CLIP1: variants seen among roughly 807,000 people sequenced by gnomAD.
The protein encoded by CLIP1 is CAP-Gly domain-containing linker protein 1.
CLIP1 carries 66 observed loss-of-function variants against 161.6 expected under a neutral mutation model. The observed-to-expected ratio is 0.41, with a 90% CI of 0.33 to 0.50. CLIP1 has a LOEUF of 0.50. Among genes scored for constraint, CLIP1 ranks in the 20% least tolerant of loss-of-function variants. The pLI is 0.27. For missense variants in CLIP1, 1,376 were observed against 1,702.0 expected (o/e 0.81, Z 3.37); for synonymous variants, 598 against 626.2 (o/e 0.96, Z 0.67).
In CLIP1 at chr12:122,316,740, G is replaced by A. The variant is rs1370363530; in HGVS notation, c.3473+9C>T. ...TTCCATATTTTTTTCTCAAAGGATA[G>A]AAACTTACATTTCTTTCCTAAATTC... On this transcript the variant is annotated intron_variant, in intron 19 of 25. Transcript: ENST00000620786. 2 of 1,460,054 alleles carry A rather than the reference G, an allele frequency of 1.4e-6. No homozygotes were observed. Among genetic ancestry groups the A allele is most frequent in the Non-Finnish European group, 1.9e-6 (2 of 1,071,182 alleles). The allele number at this position is 1,460,054 out of a possible 1,614,324, so 90.4% of individuals were successfully genotyped here.
At chr12:122,312,430 G>C (rs1278111898) in intron 19 of CLIP1, among the ~76,000 whole-genome samples, 1 of 152,150 alleles carries the variant, frequency 6.6e-6, no homozygotes, top group Non-Finnish European at 1.5e-5. Flanking sequence ...CTGGTTTCCA[G>C]GGGCAAGGGC....
chr12:122,316,630 A>G (rs899470450), intron 19 of CLIP1, 119 bp downstream of exon 19: 10 of 625,812 alleles, frequency 1.6e-5, no homozygotes, highest in Admixed American at 1.0e-4. Context: ...GGTATGCAAT[A>G]GAGTCTGCAT....
intron 1 of CLIP1, among the ~76,000 whole-genome samples, chr12:122,416,007 A>C (rs1956743095): frequency 1.3e-5 from 2 of 152,056 alleles, no homozygotes; most frequent in Middle Eastern, 3.4e-3. Context: ...TGGGAGGCTG[A>C]GGTGGGTGCA....
chr12:122,411,235 G>C (rs979450306), intron 1 of CLIP1, among the ~76,000 whole-genome samples: 1 of 152,048 alleles, frequency 6.6e-6, no homozygotes, highest in African/African-American at 2.4e-5. Flanking sequence ...AGGCAACATG[G>C]CGAAACCCTG....
At chr12:122,401,801 C>T (rs1301627515) in intron 1 of CLIP1, among the ~76,000 whole-genome samples, 1 of 152,012 alleles carries the variant, frequency 6.6e-6, no homozygotes, top group Admixed American at 6.6e-5. Flanking sequence ...GAGTTCAAGA[C>T]CAGCCTGACA....
At position 122,341,462 on chromosome 12, in the gene CLIP1, T is replaced by C; in HGVS notation, c.1742A>G (p.Glu581Gly). Reference protein sequence around the residue: ...TSLKEHFGAREETHQKEIKAL... With the variant: ...TSLKEHFGARGETHQKEIKAL... ...CTTTATCTCCTTCTGATGAGTTTCT[T>C]CCCGGGCTCCAAAATGCTCCTTCAG... The change falls in exon 11 of 26, where the codon GAA becomes GGA. Residue 581 changes from glutamate to glycine, a missense_variant. Physicochemically the swap from Glu to Gly is moderately conservative, Grantham distance 98. Around this residue, in one of 6 missense-constraint regions of CLIP1, gnomAD observed 948 missense variants for 1,134.8 expected, o/e 0.84. Transcript: ENST00000620786. 1 of 1,613,486 alleles carries C rather than the reference T, an allele frequency of 6.2e-7. No homozygotes were observed. Among genetic ancestry groups the C allele is most frequent in the Non-Finnish European group, 8.5e-7 (1 of 1,179,568 alleles).
Position 122,279,159 on chromosome 12 carries a change from G to C in CLIP1, c.3648-14C>G. ...AACTTGGATTCTCTAAAAGACCAAA[G>C]AGTTAAAAGTTCCACAAATCAACCG... On this transcript the variant is annotated splice_polypyrimidine_tract_variant and intron_variant, in intron 21 of 25. Transcript: ENST00000620786. The surrounding 1 kb of genome is among the most constrained non-coding windows in gnomAD (Gnocchi z 4.5). 1.3e-6 allele frequency: 2 copies of C among 1,572,372 alleles called. No homozygotes were observed. Among genetic ancestry groups the C allele is most frequent in the Non-Finnish European group, 1.7e-6 (2 of 1,148,720 alleles).
chr12:122,416,445 T>G (rs139423831), intron 1 of CLIP1, among the ~76,000 whole-genome samples: 18 of 152,222 alleles, frequency 1.2e-4, no homozygotes, highest in African/African-American at 3.9e-4. Context: ...CCCCATATCT[T>G]TATCTTCATC....
chr12:122,320,118 CA>C (rs1226869627), intron 17 of CLIP1, among the ~76,000 whole-genome samples: 2 of 151,806 alleles, frequency 1.3e-5, no homozygotes, highest in Admixed American at 1.3e-4. Context: ...AATAAAAATA[CA>C]AAAAACTAGC....
At chr12:122,340,076 CTT>C (rs1169551600) in intron 11 of CLIP1, among the ~76,000 whole-genome samples, 3 of 139,674 alleles carry the variant, frequency 2.1e-5, no homozygotes, top group Non-Finnish European at 3.1e-5. Flanking sequence ...ATCTTTTAAG[CTT>C]TTTTTTTTTT....
chr12:122,411,022 T>C (rs1489998513), intron 1 of CLIP1, among the ~76,000 whole-genome samples: 2 of 152,150 alleles, frequency 1.3e-5, no homozygotes, highest in Non-Finnish European at 2.9e-5. Flanking sequence ...AAAACAGTAT[T>C]GTACTGCCTC....
At chr12:122,405,435 T>A (rs1956293274) in intron 1 of CLIP1, among the ~76,000 whole-genome samples, 1 of 152,220 alleles carries the variant, frequency 6.6e-6, no homozygotes. Flanking sequence ...ATACACGATA[T>A]ATTATATATA....
Position 122,377,371 on chromosome 12 carries a change from G to A in CLIP1, c.657+18C>T. On this transcript the variant is annotated intron_variant, in intron 3 of 25. Coordinates refer to ENST00000620786, the MANE Select transcript of CLIP1 (RefSeq NM_001247997.2). Reference sequence around the variant, plus strand: ...ATCTCAGTTCAATGAAATGACCTCAGAATGTTTCTCTACTCACCAATACTC... The same window carrying A: ...ATCTCAGTTCAATGAAATGACCTCAAAATGTTTCTCTACTCACCAATACTC... The A allele has an allele frequency of 6.3e-7, 1 of 1,595,490 alleles. No individual in the cohort carries two copies. The highest frequency in any genetic ancestry group is 8.6e-7 in the Non-Finnish European group (1 of 1,168,096).
At chr12:122,384,975 C>T (rs1290640947) in intron 1 of CLIP1, among the ~76,000 whole-genome samples, 1 of 150,034 alleles carries the variant, frequency 6.7e-6, no homozygotes, top group Non-Finnish European at 1.5e-5. Flanking sequence ...GCTCTGTCGC[C>T]AGTCTGGAGT....
At position 122,387,590 on chromosome 12, in the gene CLIP1, A is replaced by ATTTTTTT. The variant is rs139790813; in HGVS notation, c.-106-7039_-106-7033dup. Among the ~76,000 whole-genome samples, 36 of 6,260 alleles carry ATTTTTTT rather than the reference A, an allele frequency of 5.8e-3. 1 individual carries two copies. The highest frequency in any genetic ancestry group is 0.017 in the East Asian group (3 of 178). 4.1% of individuals were successfully genotyped at this position (6,260 alleles called of 152,430 possible). On this transcript the variant is annotated intron_variant, in intron 1 of 25. Coordinates refer to ENST00000620786, the MANE Select transcript of CLIP1 (RefSeq NM_001247997.2). Reference sequence around the variant, plus strand: ...TATATATATATATATATATATATATATTTTTTTTTTTTTTTTTTTTTTTTT... The same window carrying ATTTTTTT: ...TATATATATATATATATATATATATATTTTTTTTTTTTTTTTTTTTTTTTTTTTTTTT...
At chr12:122,387,292 A>C (rs972735903) in intron 1 of CLIP1, among the ~76,000 whole-genome samples, 1 of 152,044 alleles carries the variant, frequency 6.6e-6, no homozygotes, top group Non-Finnish European at 1.5e-5. Flanking sequence ...TATTTTCATA[A>C]TAATACTAAG....
In CLIP1 at chr12:122,364,113, A is replaced by G. The variant is rs768374820; in HGVS notation, c.658-6T>C. 1 of 1,613,822 alleles carries G rather than the reference A, an allele frequency of 6.2e-7. No individual in the cohort carries two copies. On this transcript the variant is annotated splice_region_variant and splice_polypyrimidine_tract_variant and intron_variant, in intron 3 of 25. Coordinates refer to ENST00000620786, the MANE Select transcript of CLIP1 (RefSeq NM_001247997.2). ...CCAGCCTTAGTGCCACCAACCTGGA[A>G]GAAGAGAAGGTTAAAATAAAGAGAT...
intron 9 of CLIP1, among the ~76,000 whole-genome samples, chr12:122,348,229 T>C (rs564478868): frequency 8.5e-5 from 13 of 152,230 alleles, no homozygotes; most frequent in South Asian, 2.1e-4. Flanking sequence ...CCAAAGGCTA[T>C]TGGGCTCCAG....
intron 15 of CLIP1, among the ~76,000 whole-genome samples, chr12:122,330,196 A>T (rs1485089961): frequency 6.6e-6 from 1 of 152,152 alleles, no homozygotes; most frequent in Non-Finnish European, 1.5e-5. Context: ...TGCAAGAGGG[A>T]AACTTGGGGG....
Sources: allele counts gnomAD v4.1 joint callset (sites outside exome capture counted in the v4.1 genomes callset), GRCh38; gene constraint gnomAD v4.1.1; regional missense constraint gnomAD v4.1.1; non-coding constraint Gnocchi (gnomAD v3.1); transcripts MANE v1.5; gene names NCBI Gene and HGNC (gene_info 2026-07-23, HGNC 2026-07-21).